PTPRJ: variants seen among roughly 807,000 people sequenced by gnomAD.
PTPRJ encodes protein tyrosine phosphatase receptor type J, also known as receptor-type tyrosine-protein phosphatase eta.
A neutral mutation model predicts 141.3 loss-of-function variants in PTPRJ; 129 were observed. The observed-to-expected ratio is 0.91, with a 90% CI of 0.79 to 1.06. PTPRJ has a LOEUF of 1.06. Ranked by LOEUF, PTPRJ falls within the 50% of genes least tolerant of loss-of-function variation. The pLI is 0.00. For synonymous variants in PTPRJ, 610 were observed against 640.5 expected (o/e 0.95, Z 0.72); for missense variants, 1,601 against 1,679.7 (o/e 0.95, Z 0.82).
chr11:48,042,236 A>G (rs1462933360), intron 1 of PTPRJ, among the ~76,000 whole-genome samples: 1 of 152,132 alleles, frequency 6.6e-6, no homozygotes, highest in South Asian at 2.1e-4. Flanking sequence ...TTTTGGTCAT[A>G]TGAATTTTAT....
intron 1 of PTPRJ, among the ~76,000 whole-genome samples, chr11:48,069,108 T>TC (rs1855163947): frequency 6.6e-6 from 1 of 152,170 alleles, no homozygotes; most frequent in East Asian, 1.9e-4. Flanking sequence ...ATGTTCTTTT[T>TC]TTTTTTTTTC....
intron 1 of PTPRJ, among the ~76,000 whole-genome samples, chr11:48,095,707 C>A (rs1297779572): frequency 3.3e-5 from 5 of 151,720 alleles, no homozygotes; most frequent in African/African-American, 1.2e-4. Flanking sequence ...CAGCCTCCCT[C>A]GTAGCTGGGA....
intron 1 of PTPRJ, among the ~76,000 whole-genome samples, chr11:48,051,310 G>A (rs536325300): frequency 6.6e-6 from 1 of 152,146 alleles, no homozygotes; most frequent in African/African-American, 2.4e-5. Context: ...GCTCAGGCTG[G>A]TGTCGAACTC....
intron 22 of PTPRJ, 45 bp downstream of exon 22, chr11:48,160,094 T>C (rs777207373): frequency 3.7e-5 from 59 of 1,601,450 alleles, no homozygotes; most frequent in Non-Finnish European, 4.5e-5. Flanking sequence ...AATTACCATA[T>C]GTTAATTTGG....
chr11:48,020,245 G>A (rs1425762339), intron 1 of PTPRJ, among the ~76,000 whole-genome samples: 1 of 152,160 alleles, frequency 6.6e-6, no homozygotes, highest in Non-Finnish European at 1.5e-5. Context: ...TCCACCTTGC[G>A]TCTTACTTGG....
At chr11:48,088,034 G>A (rs748802673) in intron 1 of PTPRJ, among the ~76,000 whole-genome samples, 3 of 152,144 alleles carry the variant, frequency 2.0e-5, no homozygotes, top group Non-Finnish European at 2.9e-5. Flanking sequence ...TGTTGAATGA[G>A]TTCAAAGATC....
At chr11:48,028,123 A>G (rs1179782720) in intron 1 of PTPRJ, among the ~76,000 whole-genome samples, 1 of 152,224 alleles carries the variant, frequency 6.6e-6, no homozygotes, top group Non-Finnish European at 1.5e-5. Context: ...AAGTGGTCTC[A>G]CCTTTCTTGA....
chr11:48,136,216 C>T lies in PTPRJ; in HGVS notation c.1793C>T (p.Pro598Leu), dbSNP rs377252468. Residue 598 changes from proline (P) to leucine (L), a missense_variant, in exon 9 of 25, where the codon CCG (proline) becomes CTG (leucine). Transcript: ENST00000418331. The stretch of plus-strand genomic sequence containing the variant: ...GCGATTACTCTCCAGGGCCTGATTC[C>T]GGGCACCTTATATAACATCACCATC... ...DKAITLQGLI[P>L]GTLYNITISP... 23 of 1,614,074 alleles carry T rather than the reference C, an allele frequency of 1.4e-5. No homozygotes were observed. Among genetic ancestry groups the T allele is most frequent in the Admixed American group, 1.0e-4 (6 of 59,998 alleles).
At chr11:47,998,859 G>T (rs12361489) in intron 1 of PTPRJ, among the ~76,000 whole-genome samples, 1 of 152,176 alleles carries the variant, frequency 6.6e-6, no homozygotes, top group Non-Finnish European at 1.5e-5. Context: ...AGGTGCAGCT[G>T]CCAGGGAAGG....
chr11:48,077,181 A>G (rs995225919), intron 1 of PTPRJ, among the ~76,000 whole-genome samples: 2 of 145,848 alleles, frequency 1.4e-5, no homozygotes, highest in Non-Finnish European at 3.0e-5. Flanking sequence ...TTTTTTCTTT[A>G]AAAAAAAAAA....
intron 3 of PTPRJ, among the ~76,000 whole-genome samples, chr11:48,120,142 A>G (rs1300452392): frequency 6.6e-6 from 1 of 152,178 alleles, no homozygotes; most frequent in East Asian, 1.9e-4. Context: ...CTTCGTGTTT[A>G]GTGTGGTGTA....
At chr11:48,048,615 G>A (rs1391956514) in intron 1 of PTPRJ, among the ~76,000 whole-genome samples, 2 of 151,978 alleles carry the variant, frequency 1.3e-5, no homozygotes, top group Admixed American at 6.6e-5. Context: ...CCAACACGGC[G>A]AAACCCCGTC....
chr11:48,020,603 G>A (rs577975072), intron 1 of PTPRJ, among the ~76,000 whole-genome samples: 1 of 152,304 alleles, frequency 6.6e-6, no homozygotes, highest in East Asian at 1.9e-4. Flanking sequence ...ACTGCAGCCG[G>A]ACATGGCTCA....
Position 48,082,052 on chromosome 11 carries a change from T to A in PTPRJ, c.97-28006T>A, listed in dbSNP as rs144523543. 2.6e-5 allele frequency among the ~76,000 whole-genome samples: 4 copies of A among 152,224 alleles called. No homozygotes were observed. The East Asian group carries it at 7.7e-4, about 29-fold the overall frequency. On this transcript the variant is annotated intron_variant, in intron 1 of 24. Coordinates refer to ENST00000418331, the MANE Select transcript of PTPRJ (RefSeq NM_002843.4). ...GTTTAGAACTGGGCTGGGTGCAGAG[T>A]AGTCTCCATAAATGTTTATGGGGCC...
chr11:48,096,100 A>T (rs899788727), intron 1 of PTPRJ, among the ~76,000 whole-genome samples: 4 of 152,174 alleles, frequency 2.6e-5, no homozygotes, highest in Non-Finnish European at 1.5e-5. Context: ...TACTCAGTTG[A>T]TCACAGTTCA....
chr11:48,013,705 A>G (rs1854874449), intron 1 of PTPRJ, among the ~76,000 whole-genome samples: 1 of 152,032 alleles, frequency 6.6e-6, no homozygotes, highest in South Asian at 2.1e-4. Context: ...GAGCACAGTG[A>G]GGGAGCTGTT....
chr11:48,099,979 C>T (rs1429290421), intron 1 of PTPRJ, among the ~76,000 whole-genome samples: 1 of 152,114 alleles, frequency 6.6e-6, no homozygotes, highest in Admixed American at 6.5e-5. Context: ...TGTCTGAGCC[C>T]ACCCTTGGAC....
chr11:48,031,631 A>C (rs1211834381), intron 1 of PTPRJ, among the ~76,000 whole-genome samples: 1 of 152,218 alleles, frequency 6.6e-6, no homozygotes, highest in Non-Finnish European at 1.5e-5. Flanking sequence ...CTCAACACAC[A>C]GGGTCGGATC....
At chr11:47,988,808 C>T (rs984249805) in intron 1 of PTPRJ, among the ~76,000 whole-genome samples, 3 of 150,618 alleles carry the variant, frequency 2.0e-5, no homozygotes, top group African/African-American at 7.3e-5. Flanking sequence ...GTGTCTGTTT[C>T]TCCATACCGT....
Sources: gnomAD v4.1 joint callset for allele counts (sites outside exome capture counted in the v4.1 genomes callset) on GRCh38, gnomAD v4.1.1 for gene constraint, MANE v1.5 for transcripts, NCBI Gene and HGNC (gene_info 2026-07-23, HGNC 2026-07-21) for gene names.